The following RAB30 variants were observed in gnomAD, a reference collection of about 807,000 sequenced individuals.
RAB30 encodes RAB30, member RAS oncogene family.
Under a neutral mutation model 25.1 loss-of-function variants are expected in RAB30, and 9 were observed. The observed-to-expected ratio is 0.36, with a 90% CI of 0.22 to 0.63. The LOEUF is 0.63. RAB30 is among the 20% of genes least tolerant of loss of function. RAB30 has a pLI of 0.69. For synonymous variants in RAB30, 77 were observed against 86.4 expected (o/e 0.89, Z 0.60); for missense variants, 140 against 243.5 (o/e 0.58, Z 2.83).
chr11:83,054,560 C>A (rs1565290700), intron 1 of RAB30, among the ~76,000 whole-genome samples: 2 of 151,974 alleles, frequency 1.3e-5, no homozygotes, highest in Non-Finnish European at 1.5e-5. Flanking sequence ...TTAACAACAA[C>A]AACAAAAAAG....
chr11:83,044,581 G>A (rs1858197280), intron 1 of RAB30, among the ~76,000 whole-genome samples: 2 of 151,996 alleles, frequency 1.3e-5, no homozygotes. Context: ...AAAGTCCAGA[G>A]CAATCCCATG....
intron 1 of RAB30, among the ~76,000 whole-genome samples, chr11:83,061,561 T>G (rs1383665454): frequency 6.6e-6 from 1 of 152,118 alleles, no homozygotes; most frequent in African/African-American, 2.4e-5. Context: ...GCAACTTACT[T>G]TCAAGTGGTT....
At chr11:83,043,228 AAGCCTGTTCT>A (rs1386607930) in intron 1 of RAB30, among the ~76,000 whole-genome samples, 1 of 152,182 alleles carries the variant, frequency 6.6e-6, no homozygotes, top group Non-Finnish European at 1.5e-5. Context: ...CCATGGAAAC[AAGCCTGTTCT>A]AGCCTGTTCT....
chr11:83,041,957 G>A (rs1426568437), intron 1 of RAB30, among the ~76,000 whole-genome samples: 7 of 150,422 alleles, frequency 4.7e-5, no homozygotes, highest in South Asian at 2.1e-4. Context: ...CAGGAGAATC[G>A]CTTGAACCCG....
intron 1 of RAB30, among the ~76,000 whole-genome samples, chr11:82,997,838 C>A (rs147448977): frequency 6.6e-6 from 1 of 152,168 alleles, no homozygotes; most frequent in Non-Finnish European, 1.5e-5. Context: ...TAGGGTCTTA[C>A]AAATGGTAGT....
chr11:83,023,683 T>C (rs1386026277), intron 1 of RAB30, among the ~76,000 whole-genome samples: 1 of 152,180 alleles, frequency 6.6e-6, no homozygotes, highest in Non-Finnish European at 1.5e-5. Context: ...AACCCTACAA[T>C]GGCTTCCCAT....
At position 83,066,832 on chromosome 11, in the gene RAB30, G is replaced by A. The variant is rs965566573; in HGVS notation, c.-9+4859C>T. 2.6e-5 allele frequency among the ~76,000 whole-genome samples: 4 copies of A among 152,194 alleles called. No homozygotes were observed. The East Asian group carries it at 7.7e-4, about 29-fold the overall frequency. On this transcript the variant is annotated intron_variant, in intron 1 of 4. Transcript: ENST00000527633. Reference sequence around the variant, plus strand: ...CACCCAAAGTGTGGGGATTACAGGCGTGAGCCACTGTGCCTGGCCTAGAAT... The same window carrying A: ...CACCCAAAGTGTGGGGATTACAGGCATGAGCCACTGTGCCTGGCCTAGAAT...
chr11:83,030,796 C>CA (rs199607255), intron 1 of RAB30, among the ~76,000 whole-genome samples: 318 of 118,600 alleles, frequency 2.7e-3, no homozygotes, highest in Middle Eastern at 4.2e-3. Context: ...GACTCCACCT[C>CA]AAAAAAAAAA....
At chr11:83,000,037 T>C (rs1004186456) in intron 1 of RAB30, among the ~76,000 whole-genome samples, 5 of 152,188 alleles carry the variant, frequency 3.3e-5, no homozygotes, top group Admixed American at 2.6e-4. Flanking sequence ...TCTCATTCTA[T>C]ATTATTAAGT....
intron 1 of RAB30, among the ~76,000 whole-genome samples, chr11:83,030,720 C>A (rs553714534): frequency 1.3e-5 from 2 of 151,868 alleles, no homozygotes; most frequent in Admixed American, 6.6e-5. Flanking sequence ...TTGCTTGAAC[C>A]CGGGAGGCAG....
intron 1 of RAB30, among the ~76,000 whole-genome samples, chr11:83,022,659 T>TA (rs1366543715): frequency 9.2e-5 from 14 of 151,714 alleles, no homozygotes; most frequent in South Asian, 2.1e-4. Flanking sequence ...AACTTTTAAA[T>TA]AAAAAAAAGA....
At chr11:83,008,459 C>T (rs146766903) in intron 1 of RAB30, among the ~76,000 whole-genome samples, 32 of 152,348 alleles carry the variant, frequency 2.1e-4, no homozygotes, top group South Asian at 4.1e-4. Context: ...AGAATGACTA[C>T]TTGTCTAGAG....
chr11:83,061,155 T>C (rs987776033), intron 1 of RAB30, among the ~76,000 whole-genome samples: 5 of 152,164 alleles, frequency 3.3e-5, no homozygotes, highest in Admixed American at 2.0e-4. Flanking sequence ...CAGCCTGTCA[T>C]GGGACTTCTC....
intron 1 of RAB30, among the ~76,000 whole-genome samples, chr11:83,061,361 T>G (rs1239685809): frequency 1.3e-5 from 2 of 152,198 alleles, no homozygotes; most frequent in Non-Finnish European, 2.9e-5. Flanking sequence ...ACAACTGTAT[T>G]GGGTAAGTAG....
At chr11:83,039,883 A>G (rs949936531) in intron 1 of RAB30, among the ~76,000 whole-genome samples, 1 of 152,226 alleles carries the variant, frequency 6.6e-6, no homozygotes, top group African/African-American at 2.4e-5. Context: ...GTGGGGAAAG[A>G]AACCAAGTTT....
intron 3 of RAB30, among the ~76,000 whole-genome samples, chr11:82,988,269 G>A (rs1168986928): frequency 1.3e-5 from 2 of 152,128 alleles, no homozygotes; most frequent in East Asian, 3.9e-4. Flanking sequence ...CAGGCATTGT[G>A]GTCCCAGAGT....
chr11:83,044,456 T>C (rs1283125068), intron 1 of RAB30, among the ~76,000 whole-genome samples: 1 of 152,186 alleles, frequency 6.6e-6, no homozygotes, highest in Non-Finnish European at 1.5e-5. Context: ...AAATTCCACT[T>C]AGAGTGAATG....
chr11:83,061,324 A>G (rs555754436), intron 1 of RAB30, among the ~76,000 whole-genome samples: 1 of 152,288 alleles, frequency 6.6e-6, no homozygotes, highest in Non-Finnish European at 1.5e-5. Flanking sequence ...TACAGGTAAT[A>G]TGCTACATTA....
At chr11:83,055,454 G>T (rs571576480) in intron 1 of RAB30, among the ~76,000 whole-genome samples, 1 of 152,298 alleles carries the variant, frequency 6.6e-6, no homozygotes, top group South Asian at 2.1e-4. Flanking sequence ...CCCCTGAGTT[G>T]CCCTTCTCAC....
Sources: allele counts gnomAD v4.1 joint callset (sites outside exome capture counted in the v4.1 genomes callset), GRCh38; gene constraint gnomAD v4.1.1; transcripts MANE v1.5; gene names NCBI Gene and HGNC (gene_info 2026-07-23, HGNC 2026-07-21).